The following RSU1 variants were observed in gnomAD, a reference collection of about 807,000 sequenced individuals.
RSU1 encodes Ras suppressor protein 1, also known as rsu-1.
RSU1 carries 26 observed loss-of-function variants against 31.1 expected under a neutral mutation model. The ratio of observed to expected loss-of-function variants is 0.84; its 90% confidence interval spans 0.61 to 1.16. The LOEUF is 1.16. RSU1 is among the 50% of genes most tolerant of loss of function. The pLI is 0.00. For synonymous variants in RSU1, 164 were observed against 136.3 expected (o/e 1.20, Z -1.41); for missense variants, 320 against 339.1 (o/e 0.94, Z 0.44).
At chr10:16,658,773 A>G (rs974524654) in intron 8 of RSU1, among the ~76,000 whole-genome samples, 7 of 152,174 alleles carry the variant, frequency 4.6e-5, no homozygotes, top group East Asian at 1.9e-4. Context: ...AGAAGAACAG[A>G]TAAGATTTTT....
Position 16,707,805 on chromosome 10 carries a change from T to C in RSU1, c.599-12650A>G, listed in dbSNP as rs562204720. Among the ~76,000 whole-genome samples the C allele has an allele frequency of 3.3e-4, 50 of 152,296 alleles. 2 individuals are homozygous for C. In the South Asian group the frequency reaches 9.3e-3, roughly 28 times the overall value. On this transcript the variant is annotated intron_variant, in intron 7 of 8. Transcript: ENST00000345264. Reference sequence around the variant, plus strand: ...AAAACCCTTCTCCAGGTCAATGCTGTGAAAAGTTTCCTCTCTGTTTTCTTC... The same window carrying C: ...AAAACCCTTCTCCAGGTCAATGCTGCGAAAAGTTTCCTCTCTGTTTTCTTC...
chr10:16,611,385 A>C (rs568063817), intron 8 of RSU1, among the ~76,000 whole-genome samples: 1 of 152,350 alleles, frequency 6.6e-6, no homozygotes, highest in Non-Finnish European at 1.5e-5. Flanking sequence ...AATAGGGCTA[A>C]CTGTATTTTT....
Position 16,740,114 on chromosome 10 carries a change from G to A in RSU1, c.598+12425C>T, listed in dbSNP as rs77973934. Among the ~76,000 whole-genome samples, 430 of 152,122 alleles carry A rather than the reference G, an allele frequency of 2.8e-3. 3 individuals are homozygous for A. In the East Asian group the frequency reaches 0.047, roughly 17 times the overall value. ...AAATTTTACTCATTTTATGAGACTCGATAGTCCTGAAACAAAAACTATACA... is the reference window on the plus strand; with the variant it reads ...AAATTTTACTCATTTTATGAGACTCAATAGTCCTGAAACAAAAACTATACA... On this transcript the variant is annotated intron_variant, in intron 7 of 8. Coordinates refer to ENST00000345264, the MANE Select transcript of RSU1 (RefSeq NM_012425.4).
chr10:16,628,783 CCTCT>C (rs376620884), intron 8 of RSU1, among the ~76,000 whole-genome samples: 2 of 151,910 alleles, frequency 1.3e-5, no homozygotes, highest in Non-Finnish European at 2.9e-5. Context: ...TTTTTGCCTC[CCTCT>C]CTCTCTCCTT....
chr10:16,594,808 G>A (rs192728958), intron 8 of RSU1, among the ~76,000 whole-genome samples: 1,756 of 134,540 alleles, frequency 0.013, 52 homozygotes, highest in African/African-American at 0.048. Flanking sequence ...TTTTTGAGAT[G>A]GAGTCCTATT....
At chr10:16,615,948 C>T (rs1050699326) in intron 8 of RSU1, among the ~76,000 whole-genome samples, 55 of 152,188 alleles carry the variant, frequency 3.6e-4, no homozygotes, top group African/African-American at 7.5e-4. Flanking sequence ...AACACCCCAA[C>T]GTTACAAGGA....
intron 7 of RSU1, among the ~76,000 whole-genome samples, chr10:16,700,014 T>A (rs763240092): frequency 6.6e-5 from 10 of 152,250 alleles, no homozygotes; most frequent in Non-Finnish European, 1.5e-4. Context: ...TTGCTGGTTA[T>A]AAATGTGACT....
chr10:16,597,236 G>A (rs547978735), intron 8 of RSU1, among the ~76,000 whole-genome samples: 2 of 152,198 alleles, frequency 1.3e-5, no homozygotes, highest in African/African-American at 4.8e-5. Flanking sequence ...TGGCCCTGAC[G>A]ATGGGGATCC....
chr10:16,764,321 C>A, intron 4 of RSU1, 69 bp downstream of exon 4: 1 of 1,471,400 alleles, frequency 6.8e-7, no homozygotes, highest in African/African-American at 1.4e-5. Context: ...GGAATCCCTC[C>A]CCTGGCCTTA....
At chr10:16,595,377 C>T (rs117207210) in intron 8 of RSU1, among the ~76,000 whole-genome samples, 1,999 of 152,256 alleles carry the variant, frequency 0.013, 21 homozygotes, top group Non-Finnish European at 0.02. Flanking sequence ...CCAAGTGTTG[C>T]CTTGGAGGCG....
chr10:16,735,921 C>T (rs965734110), intron 7 of RSU1, among the ~76,000 whole-genome samples: 6 of 152,054 alleles, frequency 3.9e-5, no homozygotes, highest in African/African-American at 1.4e-4. Context: ...ACAAGCAGCA[C>T]AGGACTATGA....
At chr10:16,790,563 G>A (rs1001086456) in intron 2 of RSU1, among the ~76,000 whole-genome samples, 2 of 152,112 alleles carry the variant, frequency 1.3e-5, no homozygotes, top group Non-Finnish European at 2.9e-5. Flanking sequence ...CACAACTCAC[G>A]GGTGATGGAG....
rs139503275 is a variant in RSU1 at position 16,810,074 on chromosome 10, T to C, written c.109+6899A>G. On this transcript the variant is annotated intron_variant, in intron 2 of 8. Coordinates refer to ENST00000345264, the MANE Select transcript of RSU1 (RefSeq NM_012425.4). ...GGCAAAACCCCATCTCTACCAAAAA[T>C]ACAAAAATTAGCGGAGCATGGTAGC... Among the ~76,000 whole-genome samples the C allele has an allele frequency of 1.8e-3, 264 of 149,230 alleles. 2 individuals carry two copies. The highest frequency in any genetic ancestry group is 6.1e-3 in the African/African-American group (252 of 40,982).
intron 8 of RSU1, among the ~76,000 whole-genome samples, chr10:16,611,826 TGA>T (rs1363849372): frequency 6.6e-6 from 1 of 152,076 alleles, no homozygotes; most frequent in African/African-American, 2.4e-5. Context: ...CGAGAGAGAG[TGA>T]GAGAGAATGA....
At chr10:16,796,586 C>A in intron 2 of RSU1, among the ~76,000 whole-genome samples, 1 of 152,186 alleles carries the variant, frequency 6.6e-6, no homozygotes, top group East Asian at 1.9e-4. Context: ...CACTGCTCAA[C>A]AAGTATGAAA....
Position 16,746,485 on chromosome 10 carries a change from C to T in RSU1, c.598+6054G>A, listed in dbSNP as rs1463277673. On this transcript the variant is annotated intron_variant, in intron 7 of 8. Transcript: ENST00000345264. The stretch of plus-strand genomic sequence containing the variant: ...TGCCTAGAAGCCAAGCAACCAGAAA[C>T]GATTCCAATTCAGAACAAGCAGCAG... Among the ~76,000 whole-genome samples, 9 of 152,070 alleles carry T rather than the reference C, an allele frequency of 5.9e-5. No individual in the cohort carries two copies. In the South Asian group the frequency reaches 6.2e-4, roughly 11 times the overall value.
At chr10:16,748,523 T>C (rs1836905251) in intron 7 of RSU1, 1 of 152,214 alleles carries the variant, frequency 6.6e-6, no homozygotes, top group Non-Finnish European at 1.5e-5. Flanking sequence ...GGTAACAAAT[T>C]CTCACATTCT....
chr10:16,774,613 T>C (rs1008465494), intron 3 of RSU1, among the ~76,000 whole-genome samples: 1 of 152,118 alleles, frequency 6.6e-6, no homozygotes, highest in Admixed American at 6.6e-5. Flanking sequence ...CCACACTGCA[T>C]GCAAACATAC....
At chr10:16,775,436 C>T (rs80204697) in intron 3 of RSU1, among the ~76,000 whole-genome samples, 1,541 of 152,110 alleles carry the variant, frequency 0.01, 59 homozygotes, top group East Asian at 0.071. Context: ...AGCTGGCTTC[C>T]GCTTAGCACA....
Sources: gnomAD v4.1 joint callset for allele counts (sites outside exome capture counted in the v4.1 genomes callset) on GRCh38, gnomAD v4.1.1 for gene constraint, MANE v1.5 for transcripts, NCBI Gene and HGNC (gene_info 2026-07-23, HGNC 2026-07-21) for gene names.